The following GLIS3 variants were observed in gnomAD, a reference collection of about 807,000 sequenced individuals.
GLIS3 encodes zinc finger protein GLIS3.
GLIS3 carries 53 observed loss-of-function variants against 78.6 expected under a neutral mutation model. That is an observed-to-expected ratio of 0.67 (90% CI 0.54 to 0.85). The LOEUF is 0.85. Ranked by LOEUF, GLIS3 falls within the 40% of genes least tolerant of loss-of-function variation. The pLI, the probability that GLIS3 is intolerant of heterozygous loss-of-function variation, is 0.00. For missense variants in GLIS3, 1,703 were observed against 1,231.1 expected, an observed-to-expected ratio of 1.38 and a Z score of -5.74; for synonymous variants, 684 against 509.9, an observed-to-expected ratio of 1.34 and a Z score of -4.60.
the GLIS3 span, among the ~76,000 whole-genome samples, chr9:4,394,799 C>G: frequency 1.3e-5 from 2 of 152,134 alleles, no homozygotes; most frequent in African/African-American, 4.8e-5. Context: ...AAATTATAAC[C>G]TCATAAGCTC....
rs1027185863 is a variant in GLIS3 at position 4,063,366 on chromosome 9, T to C, written c.1710+54402A>G. Among the ~76,000 whole-genome samples, 3 of 152,100 alleles carry C rather than the reference T, an allele frequency of 2.0e-5. No homozygotes were observed. In the East Asian group the frequency reaches 5.8e-4, roughly 29 times the overall value. On this transcript the variant is annotated intron_variant, in intron 4 of 10. Coordinates refer to ENST00000381971, the MANE Select transcript of GLIS3 (RefSeq NM_001042413.2). ...GGGGATGATATGCTTGGCCTGTCAG[T>C]TCAGGAAAGCATAACAAGATTGAAA... is the stretch of plus-strand genomic sequence containing the variant.
intron 4 of GLIS3, among the ~76,000 whole-genome samples, chr9:4,089,146 T>C (rs1320883919): frequency 6.6e-6 from 1 of 152,250 alleles, no homozygotes. Context: ...TGTTTCTTAA[T>C]AATCCAAATA....
intron 4 of GLIS3, among the ~76,000 whole-genome samples, chr9:3,953,798 TATATA>T (rs1563886730): frequency 9.1e-4 from 94 of 103,678 alleles, no homozygotes; most frequent in Admixed American, 1.9e-3. Context: ...TCTCTCTCTA[TATATA>T]TATATATATA....
chr9:3,978,879 T>C (rs185255829), intron 4 of GLIS3, among the ~76,000 whole-genome samples: 1 of 152,120 alleles, frequency 6.6e-6, no homozygotes, highest in Non-Finnish European at 1.5e-5. Flanking sequence ...AAATATTTTT[T>C]AAAAATACAA....
chr9:4,038,983 G>T (rs2380930), intron 4 of GLIS3, among the ~76,000 whole-genome samples: 9 of 152,082 alleles, frequency 5.9e-5, no homozygotes, highest in African/African-American at 1.9e-4. Context: ...ACTATGAACC[G>T]TTGGGTAAAG....
chr9:4,205,877 A>G (rs377276097), intron 2 of GLIS3, among the ~76,000 whole-genome samples: 1 of 152,258 alleles, frequency 6.6e-6, no homozygotes, highest in South Asian at 2.1e-4. Context: ...TTCTCCTTTA[A>G]GAAATATGAA....
In GLIS3 at chr9:4,193,777, A is replaced by T. The variant is rs118133324; in HGVS notation, c.389-67836T>A. Among the ~76,000 whole-genome samples, 401 of 152,314 alleles carry T rather than the reference A, an allele frequency of 2.6e-3. 7 individuals carry two copies. The highest frequency in any genetic ancestry group is 0.013 in the East Asian group (66 of 5,186). ...AGATGTCTTAGAGGCAAATGAAAAT[A>T]CGTTGACTAAAACTGCAGGCTGCAC... On this transcript the variant is annotated intron_variant, in intron 2 of 10. Coordinates refer to ENST00000381971, the MANE Select transcript of GLIS3 (RefSeq NM_001042413.2).
At chr9:4,136,781 G>C (rs950415171) in intron 2 of GLIS3, among the ~76,000 whole-genome samples, 5 of 152,200 alleles carry the variant, frequency 3.3e-5, no homozygotes, top group Non-Finnish European at 4.4e-5. Flanking sequence ...ACAGAGCTTA[G>C]AGGGTTGGTT....
chr9:4,481,289 G>A, the GLIS3 span, among the ~76,000 whole-genome samples: 1 of 152,154 alleles, frequency 6.6e-6, no homozygotes, highest in Non-Finnish European at 1.5e-5. Flanking sequence ...TTCAAGACCA[G>A]CCTGGCCAAC....
At chr9:4,350,716 G>C (rs1432557879), upstream of GLIS3, among the ~76,000 whole-genome samples, 4 of 152,316 alleles carry the variant, frequency 2.6e-5, no homozygotes, top group East Asian at 3.9e-4. Context: ...GACCAAGGAA[G>C]AGTTGGGATT....
chr9:4,118,663 T>C lies in GLIS3; in HGVS notation c.815A>G (p.Tyr272Cys). 4.3e-6 allele frequency: 7 copies of C among 1,613,278 alleles called. No homozygotes were observed. Among genetic ancestry groups the C allele is most frequent in the Non-Finnish European group, 5.9e-6 (7 of 1,179,808 alleles). The change falls in exon 4 of 11, where the codon TAC becomes TGC. Residue 272 changes from tyrosine (Y) to cysteine (C), a missense_variant. Tyr to Cys is a radical substitution (Grantham distance 194). Coordinates refer to ENST00000381971, the MANE Select transcript of GLIS3 (RefSeq NM_001042413.2). The surrounding 1 kb of genome is among the most constrained non-coding windows in gnomAD (Gnocchi z 4.7). ...GTGGCTACTTTCCGTGCCAAAAAGGTAGGATGGTAATGAGTTAGAGACACT... is the reference window on the plus strand; with the variant it reads ...GTGGCTACTTTCCGTGCCAAAAAGGCAGGATGGTAATGAGTTAGAGACACT... ...SNSVSNSLPSYLFGTESSHSP... is the reference protein window; with the variant it reads ...SNSVSNSLPSCLFGTESSHSP...
chr9:4,117,996 G>A lies in GLIS3; in HGVS notation c.1482C>T (p.Asp494=), dbSNP rs762288620. Residue 494 remains aspartate (D), a synonymous_variant, in exon 4 of 11, where the codon GAC becomes GAT. Coordinates refer to ENST00000381971, the MANE Select transcript of GLIS3 (RefSeq NM_001042413.2). ...QATLDDDGEM[D]GIGGKHCCRW... is the part of the protein sequence containing the mutation. Reference sequence around the variant, plus strand: ...GGCAGCAATGCTTGCCCCCGATGCCGTCCATCTCCCCGTCGTCGTCCAGGG... The same window carrying A: ...GGCAGCAATGCTTGCCCCCGATGCCATCCATCTCCCCGTCGTCGTCCAGGG... The A allele has an allele frequency of 2.5e-6, 4 of 1,610,520 alleles. No homozygotes were observed. The highest frequency in any genetic ancestry group is 2.5e-6 in the Non-Finnish European group (3 of 1,178,588).
chr9:4,259,744 G>A (rs1259435437), intron 2 of GLIS3, among the ~76,000 whole-genome samples: 1 of 152,228 alleles, frequency 6.6e-6, no homozygotes, highest in African/African-American at 2.4e-5. Context: ...GGGGTGGGCA[G>A]CACCCTCTTG....
chr9:4,333,551 T>C lies in GLIS3; in HGVS notation n.264+13530A>G, dbSNP rs181804150. Among the ~76,000 whole-genome samples the C allele has an allele frequency of 4.6e-5, 7 of 152,320 alleles. 1 individual carries two copies. In the Middle Eastern group the frequency reaches 0.01, roughly 222 times the overall value. Reference sequence around the variant, plus strand: ...GCTCAATGACCTTTCAACATTGCTCTGGGCTAGTTTCCCAAATTTGATACA... The same window carrying C: ...GCTCAATGACCTTTCAACATTGCTCCGGGCTAGTTTCCCAAATTTGATACA... On this transcript the variant is annotated intron_variant and non_coding_transcript_variant, in intron 2 of 4. Coordinates refer to the GLIS3 transcript ENST00000471664.
intron 6 of GLIS3, among the ~76,000 whole-genome samples, chr9:3,900,293 C>A (rs1823194910): frequency 6.6e-6 from 1 of 150,576 alleles, no homozygotes; most frequent in South Asian, 2.1e-4. Flanking sequence ...GCTGAATTAT[C>A]AAAAACTTAA....
intron 2 of GLIS3, among the ~76,000 whole-genome samples, chr9:4,157,411 A>G (rs988130866): frequency 1.3e-5 from 2 of 152,140 alleles, no homozygotes; most frequent in Non-Finnish European, 2.9e-5. Flanking sequence ...GCCCACATGA[A>G]TCCCTGTTGC....
chr9:3,834,210 C>T (rs1242667018), intron 9 of GLIS3, among the ~76,000 whole-genome samples: 5 of 152,106 alleles, frequency 3.3e-5, no homozygotes, highest in African/African-American at 9.7e-5. Flanking sequence ...TTCACGGTCC[C>T]TTTTGCTAAT....
At chr9:4,471,018 G>A in the GLIS3 span, among the ~76,000 whole-genome samples, 237 of 151,314 alleles carry the variant, frequency 1.6e-3, no homozygotes, top group African/African-American at 5.0e-3. Context: ...GCTTCAAAGA[G>A]AATAAAATAC....
Position 4,125,790 on chromosome 9 carries a change from A to G in GLIS3, c.540T>C (p.Pro180=). ...QVSTACNQIS[P]SLQRAMNAAN... ...CTGCATTCATTGCCCTCTGTAAGCT[A>G]GGACTGATCTGGTTGCATGCTGTAG... is the stretch of plus-strand genomic sequence containing the variant. The change falls in exon 3 of 11, where the codon CCT becomes CCC. Residue 180 remains proline (P), a synonymous_variant. Coordinates refer to ENST00000381971, the MANE Select transcript of GLIS3 (RefSeq NM_001042413.2). 1 of 1,614,174 alleles carries G rather than the reference A, an allele frequency of 6.2e-7. No homozygotes were observed. Among genetic ancestry groups the G allele is most frequent in the South Asian group, 1.1e-5 (1 of 91,086 alleles).
Sources: allele counts gnomAD v4.1 joint callset (sites outside exome capture counted in the v4.1 genomes callset), GRCh38; gene constraint gnomAD v4.1.1; non-coding constraint Gnocchi (gnomAD v3.1); transcripts MANE v1.5; gene names NCBI Gene and HGNC (gene_info 2026-07-23, HGNC 2026-07-21).